The following COBL variants were observed in gnomAD, a reference collection of about 807,000 sequenced individuals.
The protein encoded by COBL is protein cordon-bleu.
Under a neutral mutation model 98.8 loss-of-function variants are expected in COBL, and 51 were observed. That is an observed-to-expected ratio of 0.52 (90% CI 0.41 to 0.65). The LOEUF (loss-of-function observed/expected upper bound fraction) is 0.65. COBL is among the 30% of genes least tolerant of loss of function. The probability of loss-of-function intolerance (pLI) is 0.00; values close to 1 mark genes in which losing one functional copy is unlikely to be tolerated. For synonymous variants in COBL, 634 were observed against 651.7 expected, an observed-to-expected ratio of 0.97 and a Z score of 0.41; for missense variants, 1,617 against 1,617.5, an observed-to-expected ratio of 1.00 and a Z score of 0.01.
intron 1 of COBL, among the ~76,000 whole-genome samples, chr7:51,314,868 G>T (rs904033088): frequency 6.6e-6 from 1 of 152,162 alleles, no homozygotes; most frequent in African/African-American, 2.4e-5. Flanking sequence ...GCTCTGGGAA[G>T]CCCTGAGAAG....
At chr7:51,290,386 C>T (rs1424054950) in intron 1 of COBL, among the ~76,000 whole-genome samples, 4 of 152,162 alleles carry the variant, frequency 2.6e-5, no homozygotes, top group Admixed American at 6.5e-5. Context: ...TCACCAGGGT[C>T]CTTTCCAGCA....
At chr7:51,290,084 G>C (rs530693239) in intron 1 of COBL, among the ~76,000 whole-genome samples, 4 of 152,320 alleles carry the variant, frequency 2.6e-5, no homozygotes, top group African/African-American at 9.6e-5. Flanking sequence ...TGTTCCACAT[G>C]AGCAGCAGTA....
At chr7:51,294,428 G>T (rs942391045) in intron 1 of COBL, among the ~76,000 whole-genome samples, 3 of 149,564 alleles carry the variant, frequency 2.0e-5, no homozygotes, top group African/African-American at 7.4e-5. Flanking sequence ...AGCTCAGAAG[G>T]TAGAGACCAG....
chr7:51,281,993 G>A (rs1028085174), intron 1 of COBL, among the ~76,000 whole-genome samples: 1 of 152,056 alleles, frequency 6.6e-6, no homozygotes, highest in Non-Finnish European at 1.5e-5. Context: ...AGGAGACTGT[G>A]AGAAGTTTGA....
rs565120137 is a variant in COBL at position 51,143,245 on chromosome 7, C to T, written c.784-6914G>A. Among the ~76,000 whole-genome samples, 10 of 151,974 alleles carry T rather than the reference C, an allele frequency of 6.6e-5. No homozygotes were observed. The South Asian group carries it at 8.3e-4, about 13-fold the overall frequency. ...CTGTGTGACTGCTTGCGGTCAGATG[C>T]GAGATTTCAGCTGAGGCAAACTCAA... On this transcript the variant is annotated intron_variant, in intron 5 of 12. Coordinates refer to ENST00000265136, the MANE Select transcript of COBL (RefSeq NM_015198.5).
At chr7:51,277,949 C>G (rs749968065) in intron 1 of COBL, among the ~76,000 whole-genome samples, 6 of 152,198 alleles carry the variant, frequency 3.9e-5, no homozygotes, top group Non-Finnish European at 2.9e-5. Context: ...CTGTCAACAT[C>G]ATAGGGCAGA....
chr7:51,080,464 A>C (rs1390753559), intron 7 of COBL, among the ~76,000 whole-genome samples: 1 of 152,088 alleles, frequency 6.6e-6, no homozygotes, highest in Non-Finnish European at 1.5e-5. Context: ...GATGAAGCAA[A>C]GATTGAGAGT....
chr7:51,046,135 C>G (rs76694815), intron 7 of COBL, among the ~76,000 whole-genome samples: 2,921 of 152,280 alleles, frequency 0.019, 80 homozygotes, highest in African/African-American at 0.066. Context: ...GAAAAGACAA[C>G]TGTCTAAATG....
intron 5 of COBL, among the ~76,000 whole-genome samples, chr7:51,147,683 A>G (rs984113821): frequency 1.3e-5 from 2 of 152,202 alleles, no homozygotes; most frequent in African/African-American, 4.8e-5. Context: ...GACTAGTATA[A>G]GCATGCCAGG....
At chr7:51,229,683 A>AT (rs1794552062) in intron 1 of COBL, among the ~76,000 whole-genome samples, 1 of 151,844 alleles carries the variant, frequency 6.6e-6, no homozygotes, top group Non-Finnish European at 1.5e-5. Context: ...AGGAGTTTTG[A>AT]TTTTTTTCTT....
chr7:51,065,452 G>A (rs1257828815), intron 7 of COBL: 2 of 696,560 alleles, frequency 2.9e-6, no homozygotes, highest in Non-Finnish European at 5.3e-6. Context: ...TCCATAAACT[G>A]TAGGGGCAAG....
chr7:51,155,169 G>T (rs1474356401), intron 5 of COBL, among the ~76,000 whole-genome samples: 1 of 152,152 alleles, frequency 6.6e-6, no homozygotes, highest in Non-Finnish European at 1.5e-5. Flanking sequence ...GGGCAGAAAT[G>T]GTTTTGGACA....
At chr7:51,041,771 G>A (rs181213763) in intron 8 of COBL, among the ~76,000 whole-genome samples, 490 of 152,006 alleles carry the variant, frequency 3.2e-3, no homozygotes, top group Non-Finnish European at 5.4e-3. Context: ...GGCTTGAGCC[G>A]CTGCACCCAG....
intron 5 of COBL, among the ~76,000 whole-genome samples, chr7:51,146,017 A>C (rs1361905770): frequency 6.6e-6 from 1 of 152,114 alleles, no homozygotes; most frequent in African/African-American, 2.4e-5. Context: ...GAGGTGGCTC[A>C]TTTTTATTCT....
intron 6 of COBL, among the ~76,000 whole-genome samples, chr7:51,093,866 C>T (rs1795033753): frequency 6.6e-6 from 1 of 151,566 alleles, no homozygotes; most frequent in Admixed American, 6.6e-5. Flanking sequence ...TGCATTCCAG[C>T]CTGGGCGATG....
intron 1 of COBL, among the ~76,000 whole-genome samples, chr7:51,272,070 C>G (rs1233815841): frequency 6.6e-6 from 1 of 152,134 alleles, no homozygotes; most frequent in Non-Finnish European, 1.5e-5. Context: ...ACAATGAATT[C>G]TGGACATGGC....
At chr7:51,039,079 GGGCAGCCTCCTCTTGATCAA>G (rs1788909481) in intron 8 of COBL, among the ~76,000 whole-genome samples, 1 of 152,174 alleles carries the variant, frequency 6.6e-6, no homozygotes, top group Admixed American at 6.5e-5. Flanking sequence ...TGCCCTCTCT[GGGCAGCCTCCTCTTGATCAA>G]GGTGGTGTTG....
At chr7:51,082,762 T>C (rs1793796022) in intron 7 of COBL, among the ~76,000 whole-genome samples, 1 of 152,164 alleles carries the variant, frequency 6.6e-6, no homozygotes, top group African/African-American at 2.4e-5. Context: ...CTACAGACAC[T>C]CTGAGGTTCA....
chr7:51,306,717 C>T lies in COBL; in HGVS notation c.41+9876G>A, dbSNP rs565152114. 3.2e-4 allele frequency among the ~76,000 whole-genome samples: 48 copies of T among 152,198 alleles called. 1 individual carries two copies. The highest frequency in any genetic ancestry group is 2.7e-3 in the South Asian group (13 of 4,814). ...ATTTCTTTGAAAAAGTAAAATCCCA[C>T]GTAGGAGTCTCAGGAATCGCACATC... On this transcript the variant is annotated intron_variant, in intron 1 of 12. Transcript: ENST00000265136.
Sources: gnomAD v4.1 joint callset for allele counts (sites outside exome capture counted in the v4.1 genomes callset) on GRCh38, gnomAD v4.1.1 for gene constraint, MANE v1.5 for transcripts, NCBI Gene and HGNC (gene_info 2026-07-23, HGNC 2026-07-21) for gene names.